DIS3: variants seen among roughly 807,000 people sequenced by gnomAD.
DIS3 encodes the protein DIS3 exosome endoribonuclease and 3'-5' exoribonuclease, also known as exosome complex exonuclease RRP44.
In DIS3, 103 loss-of-function variants were observed where a neutral mutation model predicts 113.0. The ratio of observed to expected loss-of-function variants is 0.91; its 90% confidence interval spans 0.78 to 1.07. The LOEUF is 1.07. Among genes scored for constraint, DIS3 ranks in the 50% least tolerant of loss-of-function variants. DIS3 has a pLI of 0.00. For synonymous variants in DIS3, 402 were observed against 394.3 expected (o/e 1.02, Z -0.23); for missense variants, 1,121 against 1,167.1 (o/e 0.96, Z 0.58).
rs1265820446 is a variant in DIS3, at chr13:72,763,561, A to G, written c.2017T>C (p.Ser673Pro). The change falls in exon 16 of 21, where the codon TCT becomes CCT. Residue 673 changes from serine to proline, a missense_variant. Physicochemically the swap from Ser to Pro is moderately conservative, Grantham distance 74 (BLOSUM62 -1). Coordinates refer to ENST00000377767, the MANE Select transcript of DIS3 (RefSeq NM_014953.5). Reference sequence around the variant, plus strand: ...TCCTCATGAATTTTTTTTGCAACAGAAATATTGGCAAGTAACATAAATTCT... The same window carrying G: ...TCCTCATGAATTTTTTTTGCAACAGGAATATTGGCAAGTAACATAAATTCT... ...VEEFMLLANI[S>P]VAKKIHEEFS... 1 of 1,613,814 alleles carries G rather than the reference A, an allele frequency of 6.2e-7. No individual in the cohort carries two copies. Among genetic ancestry groups the G allele is most frequent in the East Asian group, 2.2e-5 (1 of 44,856 alleles).
At chr13:72,776,370 T>G (rs964857301) in intron 4 of DIS3, among the ~76,000 whole-genome samples, 1 of 152,168 alleles carries the variant, frequency 6.6e-6, no homozygotes, top group Non-Finnish European at 1.5e-5. Flanking sequence ...GAAACTGAAT[T>G]TTTAATACAT....
chr13:72,778,056 A>G (rs1192607990), intron 3 of DIS3, 131 bp downstream of exon 3: 3 of 865,014 alleles, frequency 3.5e-6, no homozygotes, highest in Admixed American at 3.1e-5. Flanking sequence ...TAAAAATACA[A>G]AAATATCACA....
At chr13:72,773,389 G>T (rs532069579) in intron 8 of DIS3, among the ~76,000 whole-genome samples, 5 of 152,128 alleles carry the variant, frequency 3.3e-5, no homozygotes, top group African/African-American at 1.2e-4. Flanking sequence ...TTGAACCTGG[G>T]AGGCTGAGGG....
At chr13:72,775,440 T>A in intron 5 of DIS3, 65 bp from the exon 6 acceptor site, 1 of 1,476,634 alleles carries the variant, frequency 6.8e-7, no homozygotes, top group African/African-American at 1.4e-5. Context: ...AAAGGGAAGA[T>A]CATCTAACAG....
chr13:72,760,065 A>T (rs2033587426), intron 20 of DIS3, among the ~76,000 whole-genome samples, 187 bp from the exon 21 acceptor site: 1 of 152,214 alleles, frequency 6.6e-6, no homozygotes, highest in East Asian at 1.9e-4. Context: ...TCAAAAATGT[A>T]AAAGCTAGAC....
chr13:72,753,974 AT>A lies in DIS3; in HGVS notation c.*5820del. 1 of 797,854 alleles carries A rather than the reference AT, an allele frequency of 1.3e-6. No individual in the cohort carries two copies. Among genetic ancestry groups the A allele is most frequent in the Non-Finnish European group, 1.9e-6 (1 of 524,314 alleles). 49.4% of individuals were successfully genotyped at this position (797,854 alleles called of 1,614,324 possible). A position where few individuals can be genotyped will look rare whatever the true frequency, so the allele number is the denominator to read the frequency against. ...TCTTAACATCCAATAACCTTTAAAT[AT>A]TTTGGTTACTCTGAATACACAAGTA... On this transcript the variant is annotated 3_prime_UTR_variant, in exon 21 of 21. Coordinates refer to ENST00000377767, the MANE Select transcript of DIS3 (RefSeq NM_014953.5).
At chr13:72,767,732 A>T (rs2033787246) in intron 14 of DIS3, among the ~76,000 whole-genome samples, 1 of 152,144 alleles carries the variant, frequency 6.6e-6, no homozygotes, top group Non-Finnish European at 1.5e-5. Context: ...CTAAGTTGTT[A>T]ATTTTATTAA....
Position 72,759,597 on chromosome 13 carries a change from T to C in DIS3, c.*198A>G. The stretch of plus-strand genomic sequence containing the variant: ...ATTCAATTGAATTATTCTGCATAAA[T>C]AATTCTGTTCAACCCAGAAGTATAG... On this transcript the variant is annotated 3_prime_UTR_variant, in exon 21 of 21. Coordinates refer to ENST00000377767, the MANE Select transcript of DIS3 (RefSeq NM_014953.5). 1 of 510,058 alleles carries C rather than the reference T, an allele frequency of 2.0e-6. No individual in the cohort carries two copies. Among genetic ancestry groups the C allele is most frequent in the Non-Finnish European group, 3.5e-6 (1 of 286,318 alleles). The allele number at this position is 510,058 out of a possible 1,614,324, so 31.6% of individuals were successfully genotyped here.
rs2033386049 is a variant in DIS3, at chr13:72,754,392, C to T, written c.*5403G>A. 1 of 152,840 alleles carries T rather than the reference C, an allele frequency of 6.5e-6. No homozygotes were observed. Among genetic ancestry groups the T allele is most frequent in the South Asian group, 2.1e-4 (1 of 4,838 alleles). 9.5% of individuals were successfully genotyped at this position (152,840 alleles called of 1,614,324 possible). ...AGTCGTAGAATCAGATCACTACAGC[C>T]TTTAACTGCTGGGCTCAAGCAATCC... On this transcript the variant is annotated 3_prime_UTR_variant, in exon 21 of 21. Coordinates refer to ENST00000377767, the MANE Select transcript of DIS3 (RefSeq NM_014953.5).
chr13:72,768,454 A>G (rs1203356358), intron 14 of DIS3, among the ~76,000 whole-genome samples: 1 of 152,210 alleles, frequency 6.6e-6, no homozygotes, highest in Non-Finnish European at 1.5e-5. Context: ...GTTCAAGACC[A>G]GCCTGGCCAA....
In DIS3 at chr13:72,755,096, A is replaced by C; in HGVS notation, c.*4699T>G. 1.4e-6 allele frequency: 2 copies of C among 1,470,324 alleles called. No individual in the cohort carries two copies. Among genetic ancestry groups the C allele is most frequent in the Non-Finnish European group, 1.9e-6 (2 of 1,052,440 alleles). 91.1% of individuals were successfully genotyped at this position (1,470,324 alleles called of 1,614,324 possible). On this transcript the variant is annotated 3_prime_UTR_variant, in exon 21 of 21. Transcript: ENST00000377767. The stretch of plus-strand genomic sequence containing the variant: ...TTTTAAAAACAGTCCCGATAATTGC[A>C]TCCTCCAGTGGTCCTACTTAAACTG...
chr13:72,769,472 CA>C (rs2033834373), intron 13 of DIS3, among the ~76,000 whole-genome samples: 1 of 150,342 alleles, frequency 6.7e-6, no homozygotes, highest in South Asian at 2.1e-4. Flanking sequence ...CTATTTCTCT[CA>C]GAGAAATCCA....
chr13:72,778,177 T>C lies in DIS3; in HGVS notation c.580+10A>G. On this transcript the variant is annotated intron_variant, in intron 3 of 20. Transcript: ENST00000377767. ...AAACATGCACTAAGTACTTCTACAT[T>C]TAGACTTACAAGTGAAAGCTGGTAT... 1 of 1,565,712 alleles carries C rather than the reference T, an allele frequency of 6.4e-7. No homozygotes were observed. Among genetic ancestry groups the C allele is most frequent in the Non-Finnish European group, 8.7e-7 (1 of 1,144,346 alleles).
chr13:72,760,360 G>A (rs754662969), intron 20 of DIS3, among the ~76,000 whole-genome samples, 169 bp downstream of exon 20: 2 of 152,132 alleles, frequency 1.3e-5, no homozygotes, highest in African/African-American at 4.8e-5. Flanking sequence ...CTAGAATCCC[G>A]TGGCCTAAAG....
At position 72,770,987 on chromosome 13, in the gene DIS3, G is replaced by A. The variant is rs2033872759; in HGVS notation, c.1672C>T (p.Leu558=). The A allele has an allele frequency of 6.2e-7, 1 of 1,603,404 alleles. No individual in the cohort carries two copies. Among genetic ancestry groups the A allele is most frequent in the Non-Finnish European group, 8.5e-7 (1 of 1,174,492 alleles). ...LCSLKCDVDR[L]AFSCIWEMNH... is the part of the protein sequence containing the mutation. ...ATTTCCCAAATACATGAAAATGCCA[G>A]CCTGTGAAGGAAAATACAGAGTATT... The change falls in exon 13 of 21, where the codon CTG becomes TTG. Residue 558 remains leucine, a splice_region_variant and synonymous_variant. Coordinates refer to ENST00000377767, the MANE Select transcript of DIS3 (RefSeq NM_014953.5).
At chr13:72,765,568 G>A (rs2033725381) in intron 15 of DIS3, among the ~76,000 whole-genome samples, 1 of 152,098 alleles carries the variant, frequency 6.6e-6, no homozygotes, top group Non-Finnish European at 1.5e-5. Context: ...CGCTCCAATG[G>A]GAATCTAATG....
Position 72,765,857 on chromosome 13 carries a change from A to C in DIS3, c.1970+115T>G, listed in dbSNP as rs2033731956. On this transcript the variant is annotated intron_variant, in intron 15 of 20. Coordinates refer to ENST00000377767, the MANE Select transcript of DIS3 (RefSeq NM_014953.5). ...CCTTTGCAAGCCAAATAAAGTAGAA[A>C]TCATGACCCTAATCATTATTTTGTA... 9 of 732,688 alleles carry C rather than the reference A, an allele frequency of 1.2e-5. No homozygotes were observed. In the Admixed American group the frequency reaches 1.8e-4, roughly 15 times the overall value. The allele number at this position is 732,688 out of a possible 1,614,324, so 45.4% of individuals were successfully genotyped here. A position where few individuals can be genotyped will look rare whatever the true frequency, so the allele number is the denominator to read the frequency against.
In DIS3 at chr13:72,763,792, G is replaced by C. The variant is rs113363714; in HGVS notation, c.1971-185C>G. On this transcript the variant is annotated intron_variant, in intron 15 of 20. Coordinates refer to ENST00000377767, the MANE Select transcript of DIS3 (RefSeq NM_014953.5). ...GATTCTTTCATCTCTCAGTTACTCC[G>C]CTAACAATCTCTTATTATGCAACTA... is the stretch of plus-strand genomic sequence containing the variant. Among the ~76,000 whole-genome samples, 231 of 152,088 alleles carry C rather than the reference G, an allele frequency of 1.5e-3. No individual in the cohort carries two copies. In the Middle Eastern group the frequency reaches 0.017, roughly 11 times the overall value.
intron 14 of DIS3, among the ~76,000 whole-genome samples, chr13:72,768,499 A>C (rs977412542): frequency 2.0e-5 from 3 of 152,118 alleles, no homozygotes; most frequent in African/African-American, 7.2e-5. Context: ...AAAATACAAA[A>C]ATTAGCTGGG....
Sources: allele counts gnomAD v4.1 joint callset (sites outside exome capture counted in the v4.1 genomes callset), GRCh38; gene constraint gnomAD v4.1.1; transcripts MANE v1.5; gene names NCBI Gene and HGNC (gene_info 2026-07-23, HGNC 2026-07-21).